Variants in MGAT5 observed in about 807,000 individuals in gnomAD.
MGAT5 encodes alpha-1,6-mannosylglycoprotein 6-beta-N-acetylglucosaminyltransferase A.
Under a neutral mutation model 94.3 loss-of-function variants are expected in MGAT5, and 30 were observed. That is an observed-to-expected ratio of 0.32 (90% CI 0.24 to 0.43). The LOEUF (loss-of-function observed/expected upper bound fraction) is 0.43, where lower values mean the gene tolerates loss of function less well. MGAT5 is among the 20% of genes least tolerant of loss of function. The pLI is 1.00. For synonymous variants in MGAT5, 310 were observed against 322.9 expected, an observed-to-expected ratio of 0.96 and a Z score of 0.43; for missense variants, 691 against 905.5, an observed-to-expected ratio of 0.76 and a Z score of 3.04.
At chr2:134,129,626 G>A (rs1335840541) in intron 1 of MGAT5, among the ~76,000 whole-genome samples, 1 of 150,968 alleles carries the variant, frequency 6.6e-6, no homozygotes, top group East Asian at 1.9e-4. Context: ...CCAAAATATT[G>A]GTATTTAAAT....
chr2:134,197,173 G>C (rs2105262973), intron 1 of MGAT5, among the ~76,000 whole-genome samples: 1 of 152,276 alleles, frequency 6.6e-6, no homozygotes, highest in East Asian at 1.9e-4. Context: ...TTGGTGGGTT[G>C]GCAGGTATGT....
At chr2:134,297,086 A>G (rs1685717685) in intron 2 of MGAT5, among the ~76,000 whole-genome samples, 1 of 151,416 alleles carries the variant, frequency 6.6e-6, no homozygotes, top group Admixed American at 6.6e-5. Flanking sequence ...GGTCCTAGCT[A>G]CTTGGGAGGC....
At chr2:134,447,576 C>T (rs1487458484) in intron 15 of MGAT5, among the ~76,000 whole-genome samples, 1 of 152,196 alleles carries the variant, frequency 6.6e-6, no homozygotes, top group Non-Finnish European at 1.5e-5. Context: ...CAGGTCTGCC[C>T]GTCCCCCAAC....
intron 1 of MGAT5, among the ~76,000 whole-genome samples, chr2:134,181,118 C>A (rs1331673306): frequency 6.6e-6 from 1 of 152,182 alleles, no homozygotes; most frequent in African/African-American, 2.4e-5. Context: ...TTCTTGTGTA[C>A]TCTTCCAAAG....
At chr2:134,333,640 A>AT (rs1300247203) in intron 4 of MGAT5, among the ~76,000 whole-genome samples, 1 of 152,078 alleles carries the variant, frequency 6.6e-6, no homozygotes, top group African/African-American at 2.4e-5. Context: ...GTCCAGCTTT[A>AT]TTGGTAGCAT....
At chr2:134,345,672 A>G (rs1013092144) in intron 8 of MGAT5, among the ~76,000 whole-genome samples, 7 of 152,224 alleles carry the variant, frequency 4.6e-5, no homozygotes, top group African/African-American at 1.7e-4. Flanking sequence ...GCACTAAATC[A>G]CAATGAATTA....
intron 1 of MGAT5, among the ~76,000 whole-genome samples, chr2:134,140,566 T>G (rs1218220272): frequency 6.6e-6 from 1 of 152,196 alleles, no homozygotes; most frequent in Non-Finnish European, 1.5e-5. Flanking sequence ...TGTGACTCAG[T>G]AAACATTTGA....
chr2:134,387,561 C>T (rs1010133181), intron 10 of MGAT5, among the ~76,000 whole-genome samples: 4 of 151,536 alleles, frequency 2.6e-5, no homozygotes, highest in Admixed American at 1.3e-4. Flanking sequence ...TAAAGTCTTC[C>T]TACAGAGCTG....
chr2:134,362,551 C>A, intron 10 of MGAT5, 143 bp downstream of exon 10: 2 of 1,097,788 alleles, frequency 1.8e-6, no homozygotes, highest in Non-Finnish European at 2.6e-6. Context: ...TGCAAAGATT[C>A]AGTTGCTCAG....
At chr2:134,398,308 GAC>G (rs1405296367) in intron 10 of MGAT5, among the ~76,000 whole-genome samples, 1 of 152,108 alleles carries the variant, frequency 6.6e-6, no homozygotes, top group Non-Finnish European at 1.5e-5. Context: ...CATGGAGTGG[GAC>G]ACACGCTTGC....
intron 1 of MGAT5, among the ~76,000 whole-genome samples, chr2:134,206,734 G>C (rs1357422923): frequency 1.3e-5 from 2 of 152,198 alleles, no homozygotes; most frequent in Non-Finnish European, 2.9e-5. Context: ...TTACTCAGAA[G>C]AGAAGGCAGT....
intron 2 of MGAT5, among the ~76,000 whole-genome samples, chr2:134,272,585 G>A (rs1462538329): frequency 6.6e-6 from 1 of 152,158 alleles, no homozygotes; most frequent in East Asian, 1.9e-4. Flanking sequence ...AAATTGGGAG[G>A]CAGGGAAGGA....
At chr2:134,193,131 T>A (rs10170507) in intron 1 of MGAT5, among the ~76,000 whole-genome samples, 8,967 of 150,590 alleles carry the variant, frequency 0.06, 650 homozygotes, top group African/African-American at 0.16. Flanking sequence ...TTTTATTTTT[T>A]TTTTTTTTTG....
intron 14 of MGAT5, among the ~76,000 whole-genome samples, chr2:134,437,077 C>T (rs549353170): frequency 6.6e-6 from 1 of 152,366 alleles, no homozygotes; most frequent in Admixed American, 6.5e-5. Flanking sequence ...CAACCTCTGC[C>T]TCCCGGGTTC....
chr2:134,435,757 G>A (rs887554854), intron 14 of MGAT5, among the ~76,000 whole-genome samples: 2 of 152,198 alleles, frequency 1.3e-5, no homozygotes, highest in Non-Finnish European at 2.9e-5. Flanking sequence ...GAGCCCTTAT[G>A]CTTTTCTGCC....
intron 1 of MGAT5, among the ~76,000 whole-genome samples, chr2:134,164,619 G>A (rs1687881491): frequency 6.6e-6 from 1 of 152,086 alleles, no homozygotes; most frequent in Non-Finnish European, 1.5e-5. Context: ...CATTTCTGAT[G>A]CTTTCTGTCC....
intron 2 of MGAT5, among the ~76,000 whole-genome samples, chr2:134,275,212 A>G (rs1454132065): frequency 6.6e-6 from 1 of 152,182 alleles, no homozygotes; most frequent in Non-Finnish European, 1.5e-5. Flanking sequence ...GAGACGGGAG[A>G]GAGATGAGAT....
At chr2:134,366,135 T>C (rs543801520) in intron 10 of MGAT5, among the ~76,000 whole-genome samples, 47 of 152,310 alleles carry the variant, frequency 3.1e-4, no homozygotes, top group African/African-American at 1.1e-3. Context: ...CCCTGATCTC[T>C]ACCTCTGAGG....
At chr2:134,295,428 C>T (rs1685615606) in intron 2 of MGAT5, among the ~76,000 whole-genome samples, 1 of 152,164 alleles carries the variant, frequency 6.6e-6, no homozygotes, top group African/African-American at 2.4e-5. Context: ...AATTTCCAAA[C>T]ATAAGAGCTG....
Sources: allele counts gnomAD v4.1 joint callset (sites outside exome capture counted in the v4.1 genomes callset), GRCh38; gene constraint gnomAD v4.1.1; transcripts MANE v1.5; gene names NCBI Gene and HGNC (gene_info 2026-07-23, HGNC 2026-07-21).